Variants in VPS13D observed in about 807,000 individuals in gnomAD.
VPS13D encodes intermembrane lipid transfer protein VPS13D.
VPS13D carries 187 observed loss-of-function variants against 461.9 expected under a neutral mutation model. That is an observed-to-expected ratio of 0.40 (90% CI 0.36 to 0.46). The LOEUF is 0.46. Ranked by LOEUF, VPS13D falls within the 20% of genes least tolerant of loss-of-function variation. VPS13D has a pLI of 0.60. For missense variants in VPS13D, 4,711 were observed against 5,364.9 expected (o/e 0.88, Z 3.81); for synonymous variants, 1,951 against 1,986.3 (o/e 0.98, Z 0.47).
In VPS13D at chr1:12,283,198, G is replaced by A. The variant is rs776516839; in HGVS notation, c.5096G>A (p.Ser1699Asn). 6.2e-7 allele frequency: 1 copy of A among 1,614,174 alleles called. No individual in the cohort carries two copies. The highest frequency in any genetic ancestry group is 1.1e-5 in the South Asian group (1 of 91,084). The change falls in exon 21 of 70, where the codon AGT (serine) becomes AAT (asparagine). Residue 1699 changes from serine (S) to asparagine (N), a missense_variant. Ser to Asn is a conservative substitution (Grantham distance 46). Transcript: ENST00000620676. ...MVSRGAPKPS[S>N]LAQKEYLSQS... ...TCTCGAGGAGCCCCTAAGCCATCTA[G>A]TTTAGCACAAAAAGAATACCTTTCT...
chr1:12,312,031 G>T, intron 29 of VPS13D, 106 bp downstream of exon 29: 3 of 898,248 alleles, frequency 3.3e-6, no homozygotes, highest in Middle Eastern at 3.3e-4. Flanking sequence ...CCCACAGATG[G>T]AATGTTGTCT....
At chr1:12,370,607 C>G (rs1200666397) in intron 54 of VPS13D, among the ~76,000 whole-genome samples, 31 of 152,180 alleles carry the variant, frequency 2.0e-4, no homozygotes, top group Non-Finnish European at 5.9e-5. Context: ...ACCATTCTTT[C>G]TTTGTCTGTT....
chr1:12,319,148 G>A (rs931033241), intron 31 of VPS13D, among the ~76,000 whole-genome samples: 1 of 152,178 alleles, frequency 6.6e-6, no homozygotes, highest in African/African-American at 2.4e-5. Flanking sequence ...TTTTCAGTCA[G>A]GTCATCACTT....
At chr1:12,265,498 C>A (rs1434112995) in intron 13 of VPS13D, among the ~76,000 whole-genome samples, 1 of 152,058 alleles carries the variant, frequency 6.6e-6, no homozygotes, top group Non-Finnish European at 1.5e-5. Flanking sequence ...ATAGTGATTC[C>A]TCTGATGGAC....
intron 43 of VPS13D, 125 bp downstream of exon 43, chr1:12,345,634 G>C: frequency 3.0e-6 from 4 of 1,320,438 alleles, no homozygotes; most frequent in East Asian, 2.4e-5. Context: ...AGGACTGACT[G>C]GGTCAGTCAT....
chr1:12,317,984 C>A, intron 30 of VPS13D, 88 bp from the exon 31 acceptor site: 1 of 1,388,908 alleles, frequency 7.2e-7, no homozygotes, highest in Non-Finnish European at 9.8e-7. Context: ...GGAATACCAC[C>A]TGCCAAAACT....
chr1:12,378,338 A>G, intron 55 of VPS13D, 90 bp from the exon 56 acceptor site: 1 of 1,254,072 alleles, frequency 8.0e-7, no homozygotes, highest in Non-Finnish European at 1.1e-6. Context: ...ATGAGAACTT[A>G]TTTAGCCCTA....
Position 12,379,520 on chromosome 1 carries a change from G to A in VPS13D, c.11114G>A (p.Arg3705His), listed in dbSNP as rs763652762. Reference sequence around the variant, plus strand: ...CCACTGATGCTGAGAAAGCCTGACCGCAGGCGAAGCACAACTCAGACGTGG... The same window carrying A: ...CCACTGATGCTGAGAAAGCCTGACCACAGGCGAAGCACAACTCAGACGTGG... The part of the protein sequence containing the change: ...YEPLMLRKPD[R>H]RRSTTQTWSF... Residue 3705 changes from arginine (R) to histidine (H), a missense_variant, in exon 57 of 70, where the codon CGC becomes CAC. Transcript: ENST00000620676. 1.8e-5 allele frequency: 29 copies of A among 1,612,744 alleles called. No individual in the cohort carries two copies. Among genetic ancestry groups the A allele is most frequent in the South Asian group, 4.4e-5 (4 of 90,896 alleles).
At chr1:12,333,438 T>C (rs1643379275) in intron 38 of VPS13D, 72 bp downstream of exon 38, 59 of 1,571,088 alleles carry the variant, frequency 3.8e-5, no homozygotes, top group Non-Finnish European at 4.4e-5. Flanking sequence ...AGACTATTAA[T>C]CCTGGTTTAG....
chr1:12,381,737 A>G (rs1644273970), intron 57 of VPS13D, among the ~76,000 whole-genome samples: 3 of 152,180 alleles, frequency 2.0e-5, no homozygotes, highest in African/African-American at 7.2e-5. Context: ...CAACTTCTGT[A>G]CATCACTTCC....
intron 65 of VPS13D, among the ~76,000 whole-genome samples, chr1:12,431,646 C>T (rs551595242): frequency 6.6e-5 from 10 of 151,610 alleles, no homozygotes; most frequent in South Asian, 4.2e-4. Context: ...AAGTCATACT[C>T]GTCTTGGTAT....
intron 65 of VPS13D, among the ~76,000 whole-genome samples, chr1:12,435,796 G>C (rs1645053268): frequency 6.6e-6 from 1 of 151,964 alleles, no homozygotes; most frequent in Admixed American, 6.6e-5. Flanking sequence ...AGGGGATACA[G>C]AGAATTTGAG....
chr1:12,510,229 G>A lies in VPS13D; in HGVS notation c.*1205G>A, dbSNP rs1646164729. 1 of 152,200 alleles carries A rather than the reference G, an allele frequency of 6.6e-6. No homozygotes were observed. The highest frequency in any genetic ancestry group is 2.1e-4 in the South Asian group (1 of 4,824). The allele number at this position is 152,200 out of a possible 1,614,324, so 9.4% of individuals were successfully genotyped here. Reference sequence around the variant, plus strand: ...GCAAGGCCTGGTATGAGCGCCCTGGGTCTTGTTTTTGGTGTTTCGCTTTTC... The same window carrying A: ...GCAAGGCCTGGTATGAGCGCCCTGGATCTTGTTTTTGGTGTTTCGCTTTTC... On this transcript the variant is annotated 3_prime_UTR_variant, in exon 70 of 70. Coordinates refer to ENST00000620676, the MANE Select transcript of VPS13D (RefSeq NM_015378.4).
intron 67 of VPS13D, among the ~76,000 whole-genome samples, chr1:12,470,825 G>A (rs760845631): frequency 5.3e-5 from 8 of 152,274 alleles, no homozygotes; most frequent in Non-Finnish European, 8.8e-5. Context: ...CATATGGTAT[G>A]TGTTGAGGGG....
chr1:12,280,474 A>G (rs1641745029), intron 20 of VPS13D, among the ~76,000 whole-genome samples: 1 of 152,008 alleles, frequency 6.6e-6, no homozygotes, highest in African/African-American at 2.4e-5. Flanking sequence ...CATGTGATGT[A>G]AATTCTATTG....
chr1:12,277,719 G>C lies in VPS13D; in HGVS notation c.4131G>C (p.Leu1377Phe). The change falls in exon 19 of 70, where the codon TTG becomes TTC. Residue 1377 changes from leucine (L) to phenylalanine (F), a missense_variant. Around this residue, in one of 3 missense-constraint regions of VPS13D, gnomAD observed 4,411 missense variants for 4,937.8 expected, o/e 0.89. Coordinates refer to ENST00000620676, the MANE Select transcript of VPS13D (RefSeq NM_015378.4). ...SSHLDTVKLI[L>F]NINIESPVVS... ...ATTTGGACACTGTAAAGCTAATCTT[G>C]AACATAAACATTGAATCACCAGTTG... 2 of 1,614,176 alleles carry C rather than the reference G, an allele frequency of 1.2e-6. No individual in the cohort carries two copies. Among genetic ancestry groups the C allele is most frequent in the Non-Finnish European group, 1.7e-6 (2 of 1,180,032 alleles).
chr1:12,256,555 A>G (rs761307975), intron 8 of VPS13D, 52 bp downstream of exon 8: 1 of 1,590,590 alleles, frequency 6.3e-7, no homozygotes, highest in Non-Finnish European at 8.6e-7. Context: ...TGGTGACTGC[A>G]GTGAAAGTCT....
chr1:12,404,509 A>T (rs1644624428), intron 63 of VPS13D, among the ~76,000 whole-genome samples: 1 of 152,194 alleles, frequency 6.6e-6, no homozygotes, highest in South Asian at 2.1e-4. Flanking sequence ...CTACCACCAC[A>T]TCAGGATGAA....
chr1:12,478,728 T>C (rs1645670012), intron 67 of VPS13D: 1 of 452,092 alleles, frequency 2.2e-6, no homozygotes, highest in South Asian at 1.6e-5. Flanking sequence ...CAAAGCAGTC[T>C]GCCTCCCTCC....
Sources: gnomAD v4.1 joint callset for allele counts (sites outside exome capture counted in the v4.1 genomes callset) on GRCh38, gnomAD v4.1.1 for gene constraint, gnomAD v4.1.1 regional missense constraint, MANE v1.5 for transcripts, NCBI Gene and HGNC (gene_info 2026-07-23, HGNC 2026-07-21) for gene names.